KPNA6: variants seen among roughly 807,000 people sequenced by gnomAD.
KPNA6 encodes the protein importin subunit alpha-7.
In KPNA6, 9 loss-of-function variants were observed where a neutral mutation model predicts 72.0. That is an observed-to-expected ratio of 0.13 (90% CI 0.08 to 0.22). The LOEUF is 0.22. KPNA6 is among the 10% of genes least tolerant of loss of function. KPNA6 has a pLI of 1.00. For missense variants in KPNA6, 374 were observed against 655.7 expected (o/e 0.57, Z 4.69); for synonymous variants, 219 against 242.1 (o/e 0.90, Z 0.89).
chr1:32,145,076 C>G (rs1641907075), intron 1 of KPNA6, among the ~76,000 whole-genome samples: 1 of 152,098 alleles, frequency 6.6e-6, no homozygotes, highest in African/African-American at 2.4e-5. Context: ...CCTCAGCCTC[C>G]CATGTAGCTG....
At chr1:32,143,882 G>A (rs1258494152) in intron 1 of KPNA6, among the ~76,000 whole-genome samples, 1 of 152,054 alleles carries the variant, frequency 6.6e-6, no homozygotes, top group Non-Finnish European at 1.5e-5. Context: ...TAATTTCAAG[G>A]TTCAATCATG....
chr1:32,159,288 T>C, intron 5 of KPNA6, 112 bp from the exon 6 acceptor site: 1 of 1,119,694 alleles, frequency 8.9e-7, no homozygotes, highest in South Asian at 1.5e-5. Flanking sequence ...TGTGAGGTTT[T>C]GTTTTGGTTT....
chr1:32,149,728 A>G (rs919699666), intron 1 of KPNA6, among the ~76,000 whole-genome samples: 8 of 151,928 alleles, frequency 5.3e-5, no homozygotes, highest in Admixed American at 4.6e-4. Flanking sequence ...GACTTTTAGC[A>G]TTTCTTTAGT....
At position 32,172,967 on chromosome 1, in the gene KPNA6, C is replaced by T. The variant is rs1642465025; in HGVS notation, c.*2073C>T. 2 of 397,696 alleles carry T rather than the reference C, an allele frequency of 5.0e-6. No individual in the cohort carries two copies. The highest frequency in any genetic ancestry group is 8.8e-5 in the Admixed American group (2 of 22,660). The allele number at this position is 397,696 out of a possible 1,614,324, so 24.6% of individuals were successfully genotyped here. A position where few individuals can be genotyped will look rare whatever the true frequency, so the allele number is the denominator to read the frequency against. ...CTCTCCTAGTGCTGCAGTCCCACTT[C>T]AAAGCCATTTTCTGAGGAGGATGGT... is the stretch of plus-strand genomic sequence containing the variant. On this transcript the variant is annotated 3_prime_UTR_variant, in exon 14 of 14. Transcript: ENST00000373625.
At chr1:32,170,249 C>G (rs577078727) in intron 13 of KPNA6, among the ~76,000 whole-genome samples, 189 bp downstream of exon 13, 1 of 152,162 alleles carries the variant, frequency 6.6e-6, no homozygotes, top group Non-Finnish European at 1.5e-5. Context: ...GGGTTTCACA[C>G]GTTACCATGA....
rs972437366 is a variant in KPNA6, at chr1:32,128,276, A to T, written c.4+20142A>T. Among the ~76,000 whole-genome samples, 3 of 150,894 alleles carry T rather than the reference A, an allele frequency of 2.0e-5. No individual in the cohort carries two copies. In the East Asian group the frequency reaches 5.8e-4, roughly 29 times the overall value. On this transcript the variant is annotated intron_variant, in intron 1 of 13. Transcript: ENST00000373625. ...CCGTAGATCTGAGCATTGTGTTTAC[A>T]TATTTATATATACACTCAAGGGCCA...
chr1:32,117,538 C>T (rs954814971), intron 1 of KPNA6, among the ~76,000 whole-genome samples: 15 of 151,926 alleles, frequency 9.9e-5, no homozygotes, highest in African/African-American at 3.6e-4. Flanking sequence ...GCCTATAATC[C>T]CAGCACTTTG....
intron 7 of KPNA6, 141 bp downstream of exon 7, chr1:32,160,844 G>C (rs1642225203): frequency 1.5e-6 from 1 of 647,812 alleles, no homozygotes; most frequent in Non-Finnish European, 2.8e-6. Flanking sequence ...CAAAGTAAAA[G>C]ATAGGTATCT....
chr1:32,169,192 A>G (rs1642391236), intron 12 of KPNA6, among the ~76,000 whole-genome samples: 2 of 151,972 alleles, frequency 1.3e-5, no homozygotes, highest in South Asian at 4.2e-4. Context: ...ACATAATGAG[A>G]CTTTGTCTCT....
chr1:32,127,285 GT>G (rs1641552956), intron 1 of KPNA6, among the ~76,000 whole-genome samples: 1 of 152,328 alleles, frequency 6.6e-6, no homozygotes, highest in South Asian at 2.1e-4. Context: ...AGTTGATGGA[GT>G]TTGAGGGTGA....
rs766574019 is a variant in KPNA6 at position 32,153,016 on chromosome 1, C to CAA, written c.5-1551_5-1550dup. Reference sequence around the variant, plus strand: ...TGGGTGACAGAGTGAGACTCCATCTCAAAAAAAAAAAAAAAAAAAAAAGTA... The same window carrying CAA: ...TGGGTGACAGAGTGAGACTCCATCTCAAAAAAAAAAAAAAAAAAAAAAAAGTA... On this transcript the variant is annotated intron_variant, in intron 1 of 13. Coordinates refer to ENST00000373625, the MANE Select transcript of KPNA6 (RefSeq NM_012316.5). Among the ~76,000 whole-genome samples the CAA allele has an allele frequency of 6.5e-3, 227 of 34,696 alleles. 13 individuals carry two copies. The highest frequency in any genetic ancestry group is 0.015 in the African/African-American group (127 of 8,538). The allele number at this position is 34,696 out of a possible 152,430, so 22.8% of individuals were successfully genotyped here.
At chr1:32,108,251 T>G (rs1641179098) in intron 1 of KPNA6, 117 bp downstream of exon 1, 1 of 1,449,524 alleles carries the variant, frequency 6.9e-7, no homozygotes, top group Admixed American at 1.8e-5. Context: ...TAGCTAGGTC[T>G]GAGGGGAAAA....
chr1:32,168,423 C>T (rs1642377400), intron 12 of KPNA6, among the ~76,000 whole-genome samples: 1 of 152,182 alleles, frequency 6.6e-6, no homozygotes, highest in African/African-American at 2.4e-5. Context: ...CTCCTGATGT[C>T]AGATGATCCT....
intron 1 of KPNA6, among the ~76,000 whole-genome samples, chr1:32,116,926 A>G (rs544161920): frequency 6.6e-6 from 1 of 152,320 alleles, no homozygotes; most frequent in East Asian, 1.9e-4. Flanking sequence ...CAGTCAGATC[A>G]TACACAGTAT....
At chr1:32,114,478 T>C (rs1641295985) in intron 1 of KPNA6, among the ~76,000 whole-genome samples, 1 of 150,664 alleles carries the variant, frequency 6.6e-6, no homozygotes, top group Non-Finnish European at 1.5e-5. Flanking sequence ...ATATATTCAG[T>C]AAATCAAGCT....
At chr1:32,130,551 C>T (rs924227425) in intron 1 of KPNA6, among the ~76,000 whole-genome samples, 9 of 151,878 alleles carry the variant, frequency 5.9e-5, no homozygotes, top group African/African-American at 7.3e-5. Context: ...TTTGGGAGGC[C>T]GAGACGGGCA....
intron 1 of KPNA6, among the ~76,000 whole-genome samples, chr1:32,150,127 CTTTTTTTTTT>C (rs35179721): frequency 1.1e-5 from 1 of 87,056 alleles, no homozygotes; most frequent in East Asian, 3.4e-4. Flanking sequence ...AATTTTTAGT[CTTTTTTTTTT>C]TTTTTTTTTT....
chr1:32,113,982 G>A (rs979544381), intron 1 of KPNA6, among the ~76,000 whole-genome samples: 3 of 152,104 alleles, frequency 2.0e-5, no homozygotes, highest in Non-Finnish European at 2.9e-5. Flanking sequence ...AAAGTCATCC[G>A]TGAGGGTTGG....
At chr1:32,138,395 T>A (rs1276607444) in intron 1 of KPNA6, among the ~76,000 whole-genome samples, 1 of 151,712 alleles carries the variant, frequency 6.6e-6, no homozygotes, top group African/African-American at 2.4e-5. Flanking sequence ...AATACAAAAT[T>A]AGCCGGGCGT....
Sources: gnomAD v4.1 joint callset for allele counts (sites outside exome capture counted in the v4.1 genomes callset) on GRCh38, gnomAD v4.1.1 for gene constraint, MANE v1.5 for transcripts, NCBI Gene and HGNC (gene_info 2026-07-23, HGNC 2026-07-21) for gene names.